EIF3J: variants seen among roughly 807,000 people sequenced by gnomAD.
EIF3J encodes the protein eukaryotic translation initiation factor 3, subunit 1 (alpha, 35kD).
EIF3J carries 15 observed loss-of-function variants against 39.0 expected under a neutral mutation model. The observed-to-expected ratio is 0.38, with a 90% CI of 0.26 to 0.59. The LOEUF is 0.59. EIF3J is among the 20% of genes least tolerant of loss of function. The pLI, the probability that EIF3J is intolerant of heterozygous loss-of-function variation, is 0.60. For missense variants in EIF3J, 226 were observed against 308.6 expected, an observed-to-expected ratio of 0.73 and a Z score of 2.00; for synonymous variants, 98 against 112.9, an observed-to-expected ratio of 0.87 and a Z score of 0.84.
In EIF3J at chr15:44,561,232, G is replaced by A; in HGVS notation, c.*83G>A. The A allele has an allele frequency of 6.1e-6, 9 of 1,473,398 alleles. No homozygotes were observed. The highest frequency in any genetic ancestry group is 8.2e-6 in the Non-Finnish European group (9 of 1,093,112). The allele number at this position is 1,473,398 out of a possible 1,614,324, so 91.3% of individuals were successfully genotyped here. ...CACAACTTCCTTTCCTTTCAGTTCTGCCAAATGCTACAATCAGAAGTGCAG... is the reference window on the plus strand; with the variant it reads ...CACAACTTCCTTTCCTTTCAGTTCTACCAAATGCTACAATCAGAAGTGCAG... On this transcript the variant is annotated 3_prime_UTR_variant, in exon 8 of 8. Transcript: ENST00000261868.
chr15:44,538,879 A>C (rs1201841025), intron 2 of EIF3J, among the ~76,000 whole-genome samples: 1 of 152,228 alleles, frequency 6.6e-6, no homozygotes, highest in East Asian at 1.9e-4. Context: ...ATTTGGGAAT[A>C]AATTAACAAA....
chr15:44,554,499 G>C (rs913022285), intron 4 of EIF3J, 54 bp from the exon 5 acceptor site: 20 of 1,032,214 alleles, frequency 1.9e-5, no homozygotes, highest in Non-Finnish European at 2.5e-5. Context: ...ATACAGAAAG[G>C]TACTGAGTGC....
At position 44,560,235 on chromosome 15, in the gene EIF3J, CTTTTT is replaced by C; in HGVS notation, c.572-8_572-4del. On this transcript the variant is annotated splice_polypyrimidine_tract_variant and intron_variant, in intron 6 of 7. Transcript: ENST00000261868. ...AAAAATTCAAGTTTAATGGTATGCC[CTTTTT>C]TTTTTAAGTGGAAATTGATGACTTG... The C allele has an allele frequency of 7.5e-7, 1 of 1,337,540 alleles. No homozygotes were observed. Among genetic ancestry groups the C allele is most frequent in the East Asian group, 2.7e-5 (1 of 36,830 alleles). 82.9% of individuals were successfully genotyped at this position (1,337,540 alleles called of 1,614,324 possible).
At chr15:44,541,446 G>A (rs2082013688) in intron 2 of EIF3J, among the ~76,000 whole-genome samples, 1 of 152,186 alleles carries the variant, frequency 6.6e-6, no homozygotes, top group Non-Finnish European at 1.5e-5. Flanking sequence ...AAGAGGCTGA[G>A]GCAAGAGGAT....
chr15:44,550,641 T>C, intron 2 of EIF3J: 1 of 347,118 alleles, frequency 2.9e-6, no homozygotes, highest in Non-Finnish European at 5.3e-6. Flanking sequence ...GAAATCACTT[T>C]AAAACACTTC....
chr15:44,539,484 T>C (rs2081990160), intron 2 of EIF3J, among the ~76,000 whole-genome samples: 1 of 151,848 alleles, frequency 6.6e-6, no homozygotes, highest in Non-Finnish European at 1.5e-5. Context: ...CTCCGCTCAC[T>C]GCAAGCTCCG....
chr15:44,559,247 A>AC (rs1302235919), intron 6 of EIF3J: 4 of 150,538 alleles, frequency 2.7e-5, no homozygotes, highest in East Asian at 1.9e-4. Flanking sequence ...AAAAAAAAAA[A>AC]AAAAAAACAC....
At chr15:44,543,797 G>A (rs1416674553) in intron 2 of EIF3J, among the ~76,000 whole-genome samples, 1 of 152,140 alleles carries the variant, frequency 6.6e-6, no homozygotes, top group African/African-American at 2.4e-5. Flanking sequence ...ATTGATGTGT[G>A]TCTGGGGTAA....
intron 4 of EIF3J, among the ~76,000 whole-genome samples, chr15:44,553,794 C>G (rs1288518656): frequency 1.3e-5 from 2 of 152,072 alleles, no homozygotes; most frequent in South Asian, 2.1e-4. Flanking sequence ...AGGTAAATAC[C>G]TGGAAGTAGA....
chr15:44,544,123 C>T (rs1397199750), intron 2 of EIF3J, among the ~76,000 whole-genome samples: 1 of 134,148 alleles, frequency 7.5e-6, no homozygotes, highest in East Asian at 2.2e-4. Flanking sequence ...AGACGGAGGC[C>T]TTCTCTATCA....
chr15:44,547,332 G>A (rs545801245), intron 2 of EIF3J, among the ~76,000 whole-genome samples: 4 of 151,438 alleles, frequency 2.6e-5, no homozygotes, highest in Admixed American at 6.6e-5. Flanking sequence ...TAGTAGAGAC[G>A]GGGTTTCTCC....
rs146713283 is a variant in EIF3J, at chr15:44,557,325, C to T, written c.410-164C>T. 8.9e-3 allele frequency among the ~76,000 whole-genome samples: 1,355 copies of T among 152,222 alleles called. 15 individuals carry two copies. Among genetic ancestry groups the T allele is most frequent in the African/African-American group, 0.031 (1,299 of 41,514 alleles). The stretch of plus-strand genomic sequence containing the variant: ...GATTTAAGTTTGTAACCCCCCTCCC[C>T]CCTCACCCAGCCATTCTATCCAGTG... On this transcript the variant is annotated intron_variant, in intron 5 of 7. Coordinates refer to ENST00000261868, the MANE Select transcript of EIF3J (RefSeq NM_003758.4).
At chr15:44,553,336 A>G in intron 4 of EIF3J, among the ~76,000 whole-genome samples, 1 of 151,936 alleles carries the variant, frequency 6.6e-6, no homozygotes, top group East Asian at 1.9e-4. Context: ...ACTAAAAAAT[A>G]GAAAAATTAG....
chr15:44,559,608 G>A (rs2082174517), intron 6 of EIF3J, among the ~76,000 whole-genome samples: 1 of 151,832 alleles, frequency 6.6e-6, no homozygotes, highest in East Asian at 1.9e-4. Flanking sequence ...TCGGGAGGCT[G>A]AGGCAGGAAA....
chr15:44,554,513 A>G, intron 4 of EIF3J, 40 bp from the exon 5 acceptor site: 2 of 1,359,142 alleles, frequency 1.5e-6, no homozygotes, highest in Non-Finnish European at 1.0e-6. Context: ...TGAGTGCATC[A>G]TAATCCCTGT....
intron 2 of EIF3J, among the ~76,000 whole-genome samples, chr15:44,541,823 T>C (rs2082016797): frequency 6.6e-6 from 1 of 152,234 alleles, no homozygotes; most frequent in Non-Finnish European, 1.5e-5. Context: ...TGACCAGTCT[T>C]GTCTCCTCTG....
At position 44,554,539 on chromosome 15, in the gene EIF3J, T is replaced by C. The variant is rs769223601; in HGVS notation, c.295-14T>C. The C allele has an allele frequency of 6.3e-7, 1 of 1,579,544 alleles. No homozygotes were observed. The highest frequency in any genetic ancestry group is 1.4e-5 in the African/African-American group (1 of 73,698). On this transcript the variant is annotated splice_polypyrimidine_tract_variant and intron_variant, in intron 4 of 7. Coordinates refer to ENST00000261868, the MANE Select transcript of EIF3J (RefSeq NM_003758.4). ...TAATCCCTGTGCTTTTTAAAAACTT[T>C]TGTCTCATTTTAGTTAGAAGAACCC... is the stretch of plus-strand genomic sequence containing the variant.
chr15:44,544,112 T>TTTA (rs398027084), intron 2 of EIF3J, among the ~76,000 whole-genome samples: 4 of 149,686 alleles, frequency 2.7e-5, no homozygotes, highest in African/African-American at 9.8e-5. Flanking sequence ...TTTTTTTTTT[T>TTTA]AGACGGAGGC....
chr15:44,557,001 A>C (rs974202358), intron 5 of EIF3J, among the ~76,000 whole-genome samples: 2 of 152,194 alleles, frequency 1.3e-5, no homozygotes, highest in African/African-American at 4.8e-5. Context: ...ATACTTATTT[A>C]TAAAGAAAAC....
Sources: gnomAD v4.1 joint callset for allele counts (sites outside exome capture counted in the v4.1 genomes callset) on GRCh38, gnomAD v4.1.1 for gene constraint, MANE v1.5 for transcripts, NCBI Gene and HGNC (gene_info 2026-07-23, HGNC 2026-07-21) for gene names.